TENM3: variants seen among roughly 807,000 people sequenced by gnomAD.
TENM3 encodes the protein teneurin transmembrane protein 3.
In TENM3, 63 loss-of-function variants were observed where a neutral mutation model predicts 255.1. That is an observed-to-expected ratio of 0.25 (90% CI 0.20 to 0.30). The LOEUF is 0.30. Ranked by LOEUF, TENM3 falls within the 10% of genes least tolerant of loss-of-function variation. The pLI, the probability that TENM3 is intolerant of heterozygous loss-of-function variation, is 1.00. For synonymous variants in TENM3, 1,306 were observed against 1,322.3 expected (o/e 0.99, Z 0.27); for missense variants, 2,929 against 3,461.1 (o/e 0.85, Z 3.86).
chr4:181,788,790 G>A, the TENM3 span, among the ~76,000 whole-genome samples: 6 of 152,308 alleles, frequency 3.9e-5, no homozygotes, highest in Admixed American at 3.9e-4. Flanking sequence ...TAGAAAGGAG[G>A]TTTCACTATG....
chr4:181,710,039 G>C, the TENM3 span, among the ~76,000 whole-genome samples: 1 of 152,136 alleles, frequency 6.6e-6, no homozygotes, highest in African/African-American at 2.4e-5. Flanking sequence ...GTGTTGGGGG[G>C]ACAGTGGGAT....
chr4:181,817,338 T>A, the TENM3 span, among the ~76,000 whole-genome samples: 2 of 152,170 alleles, frequency 1.3e-5, no homozygotes, highest in African/African-American at 4.8e-5. Flanking sequence ...TAGCTATCCA[T>A]TGAATGCCAA....
the TENM3 span, among the ~76,000 whole-genome samples, chr4:181,862,047 G>A: frequency 6.6e-6 from 1 of 152,070 alleles, no homozygotes; most frequent in Admixed American, 6.6e-5. Context: ...TTTGGCTTGG[G>A]TGGAAACTGT....
At chr4:181,563,293 G>C in the TENM3 span, among the ~76,000 whole-genome samples, 1 of 152,162 alleles carries the variant, frequency 6.6e-6, no homozygotes. Context: ...TTCTCGGCTT[G>C]TAGAAGCCTC....
At chr4:182,717,872 T>C (rs764279262) in intron 13 of TENM3, among the ~76,000 whole-genome samples, 2 of 152,232 alleles carry the variant, frequency 1.3e-5, no homozygotes, top group Non-Finnish European at 2.9e-5. Context: ...ACTGTGATCA[T>C]GAAGTTGCTG....
chr4:182,208,567 G>T (rs1754741496), intron 1 of TENM3, among the ~76,000 whole-genome samples: 1 of 152,186 alleles, frequency 6.6e-6, no homozygotes, highest in African/African-American at 2.4e-5. Context: ...CTAATGAGAA[G>T]AATGGATTGT....
At chr4:182,224,967 C>T (rs561237173) in intron 1 of TENM3, among the ~76,000 whole-genome samples, 4 of 152,122 alleles carry the variant, frequency 2.6e-5, no homozygotes, top group East Asian at 1.9e-4. Context: ...CTCCTGATCT[C>T]GTGATCTGCC....
At chr4:181,967,019 C>T in the TENM3 span, among the ~76,000 whole-genome samples, 2 of 152,088 alleles carry the variant, frequency 1.3e-5, no homozygotes, top group Admixed American at 1.3e-4. Context: ...CTCTCTCTCT[C>T]TCTCTAGCAT....
At chr4:182,302,911 A>T (rs1761930448) in intron 1 of TENM3, among the ~76,000 whole-genome samples, 1 of 152,142 alleles carries the variant, frequency 6.6e-6, no homozygotes, top group South Asian at 2.1e-4. Context: ...TCCTGACCAC[A>T]TATCATCTTA....
At chr4:181,787,322 T>C in the TENM3 span, among the ~76,000 whole-genome samples, 1 of 150,988 alleles carries the variant, frequency 6.6e-6, no homozygotes, top group Non-Finnish European at 1.5e-5. Context: ...CAGGCCATCA[T>C]CATCTTGCTA....
At chr4:181,822,676 C>T in the TENM3 span, among the ~76,000 whole-genome samples, 2 of 152,134 alleles carry the variant, frequency 1.3e-5, no homozygotes, top group African/African-American at 2.4e-5. Context: ...CACTGCTTAA[C>T]GTATGACAAG....
At chr4:182,764,748 A>G (rs545846598) in intron 22 of TENM3, among the ~76,000 whole-genome samples, 14 of 152,284 alleles carry the variant, frequency 9.2e-5, no homozygotes, top group Admixed American at 4.6e-4. Flanking sequence ...CTGCGCAAGT[A>G]GGGCTTGCAC....
At chr4:182,282,828 G>A (rs994929149) in intron 1 of TENM3, among the ~76,000 whole-genome samples, 2 of 149,750 alleles carry the variant, frequency 1.3e-5, no homozygotes, top group African/African-American at 2.5e-5. Flanking sequence ...AGGAGACAAA[G>A]GTTGTGGTGA....
chr4:182,389,383 G>GA (rs5864782), intron 3 of TENM3, among the ~76,000 whole-genome samples: 1 of 142,158 alleles, frequency 7.0e-6, no homozygotes. Flanking sequence ...TTGGTAGATG[G>GA]AAAAAAAAAA....
chr4:181,793,702 G>T, the TENM3 span, among the ~76,000 whole-genome samples: 11 of 152,244 alleles, frequency 7.2e-5, no homozygotes, highest in East Asian at 1.9e-3. Flanking sequence ...TTTAAATCAG[G>T]AGTCTTGAAA....
At chr4:182,254,709 A>G (rs1414771676) in intron 1 of TENM3, among the ~76,000 whole-genome samples, 1 of 152,122 alleles carries the variant, frequency 6.6e-6, no homozygotes, top group Admixed American at 6.6e-5. Context: ...TTTGGTCATA[A>G]CCTATTATTT....
chr4:181,475,364 T>TA, the TENM3 span, among the ~76,000 whole-genome samples: 12 of 152,242 alleles, frequency 7.9e-5, no homozygotes, highest in East Asian at 1.9e-4. Flanking sequence ...GGGTTTTTTT[T>TA]ATTGAGCAAT....
intron 3 of TENM3, among the ~76,000 whole-genome samples, chr4:182,461,132 T>G (rs2151388995): frequency 6.6e-6 from 1 of 152,338 alleles, no homozygotes; most frequent in East Asian, 1.9e-4. Context: ...AATCATAATT[T>G]ATAATATCTT....
chr4:181,736,557 T>C, the TENM3 span, among the ~76,000 whole-genome samples: 1 of 151,678 alleles, frequency 6.6e-6, no homozygotes, highest in Admixed American at 6.6e-5. Flanking sequence ...GTTCAAAAAA[T>C]TTTCCTGGTT....
Sources: gnomAD v4.1 joint callset for allele counts (sites outside exome capture counted in the v4.1 genomes callset) on GRCh38, gnomAD v4.1.1 for gene constraint, MANE v1.5 for transcripts, NCBI Gene and HGNC (gene_info 2026-07-23, HGNC 2026-07-21) for gene names.